Variants in TAS2R46 observed in about 807,000 individuals in gnomAD.
The protein encoded by TAS2R46 is taste receptor type 2 member 46.
For missense variants in TAS2R46, 361 were observed against 347.4 expected (o/e 1.04, Z -0.31); for synonymous variants, 123 against 121.8 (o/e 1.01, Z -0.07).
rs759150431 is a variant in TAS2R46 at position 11,062,259 on chromosome 12, T to C, written c.36A>G (p.Leu12=). ...TTCCAATCACAAATGTAACCACTATTAGAATGGAAAAAATGATGGGCAGAA... is the reference window on the plus strand; with the variant it reads ...TTCCAATCACAAATGTAACCACTATCAGAATGGAAAAAATGATGGGCAGAA... ...ITFLPIIFSI[L]IVVTFVIGNF... is the part of the protein sequence containing the mutation. Residue 12 remains leucine (L), a synonymous_variant, in exon 1 of 1, where the codon CTA becomes CTG. Transcript: ENST00000533467. 2 of 1,612,656 alleles carry C rather than the reference T, an allele frequency of 1.2e-6. No homozygotes were observed. The highest frequency in any genetic ancestry group is 2.2e-5 in the South Asian group (2 of 90,910).
Position 11,061,637 on chromosome 12 carries a change from T to G in TAS2R46, c.658A>C (p.Ser220Arg), listed in dbSNP as rs1943608329. Residue 220 changes from serine to arginine, a missense_variant, in exon 1 of 1, where the codon AGC (serine) becomes CGC (arginine). Ser to Arg is a moderately radical substitution (Grantham distance 110, BLOSUM62 -1). Coordinates refer to ENST00000533467, the MANE Select transcript of TAS2R46 (RefSeq NM_176887.2). Reference protein sequence around the residue: ...QLHGKGSQDPSMKVHIKALQT... With the variant: ...QLHGKGSQDPRMKVHIKALQT... ...AAAGCTTTTATGTGGACCTTCATGC[T>G]GGGATCTTGAGATCCTTTGCCATGG... 6.2e-7 allele frequency: 1 copy of G among 1,614,024 alleles called. No individual in the cohort carries two copies. The highest frequency in any genetic ancestry group is 1.3e-5 in the African/African-American group (1 of 74,924).
In TAS2R46 at chr12:11,062,131, C is replaced by G. The variant is rs776679661; in HGVS notation, c.164G>C (p.Arg55Thr). The change falls in exon 1 of 1, where the codon AGA (arginine) becomes ACA (threonine). Residue 55 changes from arginine to threonine, a missense_variant. Arg to Thr is a moderately conservative substitution (Grantham distance 71). Coordinates refer to ENST00000533467, the MANE Select transcript of TAS2R46 (RefSeq NM_176887.2). ...DQILTALAVS[R>T]VGLLWVLVLN... Reference sequence around the variant, plus strand: ...TACTAATACCCAGAGTAAACCAACTCTGGAGACTGCCAGAGCAGTGAGAAT... The same window carrying G: ...TACTAATACCCAGAGTAAACCAACTGTGGAGACTGCCAGAGCAGTGAGAAT... 3 of 1,613,662 alleles carry G rather than the reference C, an allele frequency of 1.9e-6. 1 individual carries two copies. Among genetic ancestry groups the G allele is most frequent in the South Asian group, 2.2e-5 (2 of 91,068 alleles).
Position 11,061,942 on chromosome 12 carries a change from A to T in TAS2R46, c.353T>A (p.Phe118Tyr). The T allele has an allele frequency of 1.2e-6, 2 of 1,614,038 alleles. No homozygotes were observed. Among genetic ancestry groups the T allele is most frequent in the Non-Finnish European group, 1.7e-6 (2 of 1,179,936 alleles). Reference sequence around the variant, plus strand: ...CTTAACTCTCCTCTTTAAGTGAAGAAAAATAAGGTTGGAGAAATTGGCAAT... The same window carrying T: ...CTTAACTCTCCTCTTTAAGTGAAGATAAATAAGGTTGGAGAAATTGGCAAT... ...LKIANFSNLI[F>Y]LHLKRRVKSV... Residue 118 changes from phenylalanine (F) to tyrosine (Y), a missense_variant, in exon 1 of 1, where the codon TTT becomes TAT. Phe to Tyr is a conservative substitution (Grantham distance 22). Transcript: ENST00000533467.
At position 11,061,595 on chromosome 12, in the gene TAS2R46, A is replaced by C. The variant is rs748489547; in HGVS notation, c.700T>G (p.Phe234Val). The change falls in exon 1 of 1, where the codon TTC (phenylalanine) becomes GTC (valine). Residue 234 changes from phenylalanine to valine, a missense_variant. By Grantham distance (50) the Phe-to-Val change is conservative (BLOSUM62 -1). Coordinates refer to ENST00000533467, the MANE Select transcript of TAS2R46 (RefSeq NM_176887.2). The part of the protein sequence containing the change: ...HIKALQTVTS[F>V]LLLCAIYFLS... Reference sequence around the variant, plus strand: ...AAGTAAATGGCACATAACAAGAGGAAGGAGGTCACAGTTTGCAAAGCTTTT... The same window carrying C: ...AAGTAAATGGCACATAACAAGAGGACGGAGGTCACAGTTTGCAAAGCTTTT... The C allele has an allele frequency of 1.2e-5, 19 of 1,614,100 alleles. No homozygotes were observed. Among genetic ancestry groups the C allele is most frequent in the Non-Finnish European group, 1.5e-5 (18 of 1,179,976 alleles).
In TAS2R46 at chr12:11,061,961, T is replaced by G. The variant is rs1943625625; in HGVS notation, c.334A>C (p.Asn112His). 1.2e-6 allele frequency: 2 copies of G among 1,613,976 alleles called. No individual in the cohort carries two copies. The highest frequency in any genetic ancestry group is 1.6e-4 in the Middle Eastern group (1 of 6,062). Reference sequence around the variant, plus strand: ...TGAAGAAAAATAAGGTTGGAGAAATTGGCAATCTTGAGCAAATAAAATATG... The same window carrying G: ...TGAAGAAAAATAAGGTTGGAGAAATGGGCAATCTTGAGCAAATAAAATATG... ...LSIFYLLKIA[N>H]FSNLIFLHLK... Residue 112 changes from asparagine (N) to histidine (H), a missense_variant, in exon 1 of 1, where the codon AAT becomes CAT. Physicochemically the swap from Asn to His is moderately conservative, Grantham distance 68 (BLOSUM62 1). Transcript: ENST00000533467.
Position 11,061,516 on chromosome 12 carries a change from A to G in TAS2R46, c.779T>C (p.Val260Ala), listed in dbSNP as rs773393543. 1.9e-6 allele frequency: 3 copies of G among 1,614,130 alleles called. No individual in the cohort carries two copies. Among genetic ancestry groups the G allele is most frequent in the Middle Eastern group, 1.6e-4 (1 of 6,062 alleles). ...WSFESLENKP[V>A]FMFCEAIAFS... ...TGCAATAGCTTCGCAGAACATGAAGACAGGTTTGTTTTCCAGACTCTCAAA... is the reference window on the plus strand; with the variant it reads ...TGCAATAGCTTCGCAGAACATGAAGGCAGGTTTGTTTTCCAGACTCTCAAA... Residue 260 changes from valine (V) to alanine (A), a missense_variant, in exon 1 of 1, where the codon GTC becomes GCC. By Grantham distance (64) the Val-to-Ala change is moderately conservative. Transcript: ENST00000533467.
chr12:11,061,994 T>C lies in TAS2R46; in HGVS notation c.301A>G (p.Ser101Gly), dbSNP rs779983971. 9.3e-6 allele frequency: 15 copies of C among 1,613,786 alleles called. No individual in the cohort carries two copies. The East Asian group carries it at 3.1e-4, about 34-fold the overall frequency. Residue 101 changes from serine to glycine, a missense_variant, in exon 1 of 1, where the codon AGC becomes GGC. Transcript: ENST00000533467. Reference sequence around the variant, plus strand: ...TTGAGCAAATAAAATATGCTGAGGCTAGTAGCAAGCCAGTTGCTGAAATGG... The same window carrying C: ...TTGAGCAAATAAAATATGCTGAGGCCAGTAGCAAGCCAGTTGCTGAAATGG... ...INHFSNWLATSLSIFYLLKIA... is the reference protein window; with the variant it reads ...INHFSNWLATGLSIFYLLKIA...
At position 11,062,139 on chromosome 12, in the gene TAS2R46, T is replaced by C. The variant is rs544516029; in HGVS notation, c.156A>G (p.Ala52=). The change falls in exon 1 of 1, where the codon GCA becomes GCG. Residue 52 remains alanine (A), a synonymous_variant. Transcript: ENST00000533467. ...CCCAGAGTAAACCAACTCTGGAGAC[T>C]GCCAGAGCAGTGAGAATTTGGTCAG... ...SFADQILTAL[A]VSRVGLLWVL... is the part of the protein sequence containing the mutation. 309 of 1,613,666 alleles carry C rather than the reference T, an allele frequency of 1.9e-4. No homozygotes were observed. In the East Asian group the frequency reaches 4.1e-3, roughly 22 times the overall value.
Position 11,061,548 on chromosome 12 carries a change from A to G in TAS2R46, c.747T>C (p.Val249=). ...AIYFLSIIMS[V]WSFESLENKP... Reference sequence around the variant, plus strand: ...TGTTTTCCAGACTCTCAAAACTCCAAACTGACATGATTATGGACAGAAAGT... The same window carrying G: ...TGTTTTCCAGACTCTCAAAACTCCAGACTGACATGATTATGGACAGAAAGT... The change falls in exon 1 of 1, where the codon GTT becomes GTC. Residue 249 remains valine, a synonymous_variant. Coordinates refer to ENST00000533467, the MANE Select transcript of TAS2R46 (RefSeq NM_176887.2). 2 of 1,614,118 alleles carry G rather than the reference A, an allele frequency of 1.2e-6. No homozygotes were observed. The highest frequency in any genetic ancestry group is 1.7e-6 in the Non-Finnish European group (2 of 1,179,962).
rs749529200 is a variant in TAS2R46 at position 11,061,566 on chromosome 12, C to T, written c.729G>A (p.Leu243=). 3 of 1,613,940 alleles carry T rather than the reference C, an allele frequency of 1.9e-6. No individual in the cohort carries two copies. Among genetic ancestry groups the T allele is most frequent in the Admixed American group, 3.3e-5 (2 of 59,992 alleles). Residue 243 remains leucine, a synonymous_variant, in exon 1 of 1, where the codon CTG becomes CTA. Transcript: ENST00000533467. ...AACTCCAAACTGACATGATTATGGA[C>T]AGAAAGTAAATGGCACATAACAAGA... is the stretch of plus-strand genomic sequence containing the variant. The part of the protein sequence containing the change: ...SFLLLCAIYF[L]SIIMSVWSFE...
chr12:11,061,657 C>T lies in TAS2R46; in HGVS notation c.638G>A (p.Gly213Asp). 1 of 1,614,050 alleles carries T rather than the reference C, an allele frequency of 6.2e-7. No individual in the cohort carries two copies. Among genetic ancestry groups the T allele is most frequent in the Non-Finnish European group, 8.5e-7 (1 of 1,179,962 alleles). ...CKHLKKMQLH[G>D]KGSQDPSMKV... ...CATGCTGGGATCTTGAGATCCTTTG[C>T]CATGGAGCTGCATCTTTTTGAGATG... is the stretch of plus-strand genomic sequence containing the variant. Residue 213 changes from glycine to aspartate, a missense_variant, in exon 1 of 1, where the codon GGC becomes GAC. Gly to Asp is a moderately conservative substitution (Grantham distance 94). Coordinates refer to ENST00000533467, the MANE Select transcript of TAS2R46 (RefSeq NM_176887.2).
chr12:11,061,817 C>T lies in TAS2R46; in HGVS notation c.478G>A (p.Gly160Arg). Residue 160 changes from glycine (G) to arginine (R), a missense_variant, in exon 1 of 1, where the codon GGA (glycine) becomes AGA (arginine). Coordinates refer to ENST00000533467, the MANE Select transcript of TAS2R46 (RefSeq NM_176887.2). ...AGTTTGATCTTCCAAGTCATGTTTC[C>T]TTCATATTCTTTTGTCCATATAATC... ...NQIIWTKEYE[G>R]NMTWKIKLRS... 1 of 1,614,184 alleles carries T rather than the reference C, an allele frequency of 6.2e-7. No homozygotes were observed. The highest frequency in any genetic ancestry group is 8.5e-7 in the Non-Finnish European group (1 of 1,179,998).
Position 11,061,403 on chromosome 12 carries a change from T to A in TAS2R46, c.892A>T (p.Arg298Trp). The A allele has an allele frequency of 6.2e-7, 1 of 1,613,922 alleles. No individual in the cohort carries two copies. The highest frequency in any genetic ancestry group is 1.1e-5 in the South Asian group (1 of 91,066). Residue 298 changes from arginine to tryptophan, a missense_variant, in exon 1 of 1, where the codon AGG (arginine) becomes TGG (tryptophan). Arg to Trp is a moderately radical substitution (Grantham distance 101, BLOSUM62 -3). Coordinates refer to ENST00000533467, the MANE Select transcript of TAS2R46 (RefSeq NM_176887.2). ...QTFLSVLWHV[R>W]YWVKGEKPSS... Reference sequence around the variant, plus strand: ...GGCTTCTCTCCTTTCACCCAGTACCTCACATGCCACAAAACTGAAAGAAAA... The same window carrying A: ...GGCTTCTCTCCTTTCACCCAGTACCACACATGCCACAAAACTGAAAGAAAA...
rs751742264 is a variant in TAS2R46 at position 11,061,867 on chromosome 12, T to G, written c.428A>C (p.His143Pro). The change falls in exon 1 of 1, where the codon CAT (histidine) becomes CCT (proline). Residue 143 changes from histidine (H) to proline (P), a missense_variant. Transcript: ENST00000533467. ...LLGPLLFLVC[H>P]LFVINMNQII... ...CTGATTCATGTTTATCACAAAAAGA[T>G]GACAAACCAAAAATAGCAAAGGCCC... 4.0e-5 allele frequency: 64 copies of G among 1,614,084 alleles called. No homozygotes were observed. The South Asian group carries it at 6.4e-4, about 16-fold the overall frequency.
Position 11,062,085 on chromosome 12 carries a change from C to T in TAS2R46, c.210G>A (p.Glu70=), listed in dbSNP as rs767075494. ...WVLVLNWYAT[E]LNPAFNSIEV... The stretch of plus-strand genomic sequence containing the variant: ...CTATACTGTTAAAAGCTGGATTCAA[C>T]TCAGTTGCATACCAATTTAATACTA... Residue 70 remains glutamate, a synonymous_variant, in exon 1 of 1, where the codon GAG becomes GAA. Coordinates refer to ENST00000533467, the MANE Select transcript of TAS2R46 (RefSeq NM_176887.2). 1.9e-6 allele frequency: 3 copies of T among 1,613,574 alleles called. No homozygotes were observed. In the Admixed American group the frequency reaches 5.0e-5, roughly 27 times the overall value.
Position 11,061,580 on chromosome 12 carries a change from C to G in TAS2R46, c.715G>C (p.Ala239Pro). The change falls in exon 1 of 1, where the codon GCC becomes CCC. Residue 239 changes from alanine to proline, a missense_variant. By Grantham distance (27) the Ala-to-Pro change is conservative. Coordinates refer to ENST00000533467, the MANE Select transcript of TAS2R46 (RefSeq NM_176887.2). Reference protein sequence around the residue: ...QTVTSFLLLCAIYFLSIIMSV... With the variant: ...QTVTSFLLLCPIYFLSIIMSV... ...ATGATTATGGACAGAAAGTAAATGG[C>G]ACATAACAAGAGGAAGGAGGTCACA... The G allele has an allele frequency of 6.2e-7, 1 of 1,614,076 alleles. No homozygotes were observed.
chr12:11,061,440 C>T lies in TAS2R46; in HGVS notation c.855G>A (p.Lys285=), dbSNP rs769907597. The T allele has an allele frequency of 1.2e-6, 2 of 1,614,104 alleles. No individual in the cohort carries two copies. The highest frequency in any genetic ancestry group is 1.7e-6 in the Non-Finnish European group (2 of 1,179,954). ...HPFILIWGNK[K]LKQTFLSVLW... The stretch of plus-strand genomic sequence containing the variant: ...AAACTGAAAGAAAAGTCTGCTTTAG[C>T]TTCTTGTTTCCCCAAATCAGGATGA... Residue 285 remains lysine (K), a synonymous_variant, in exon 1 of 1, where the codon AAG becomes AAA. Transcript: ENST00000533467.
rs1943640718 is a variant in TAS2R46, at chr12:11,062,235, T to A, written c.60A>T (p.Gly20=). 1 of 1,613,248 alleles carries A rather than the reference T, an allele frequency of 6.2e-7. No homozygotes were observed. Among genetic ancestry groups the A allele is most frequent in the African/African-American group, 1.3e-5 (1 of 75,002 alleles). ...SILIVVTFVI[G]NFANGFIALV... ...ATGCTATGAAGCCATTAGCAAAATT[T>A]CCAATCACAAATGTAACCACTATTA... The change falls in exon 1 of 1, where the codon GGA becomes GGT. Residue 20 remains glycine (G), a synonymous_variant. Transcript: ENST00000533467.
rs201672998 is a variant in TAS2R46 at position 11,062,243 on chromosome 12, C to T, written c.52G>A (p.Val18Met). 9.3e-6 allele frequency: 15 copies of T among 1,612,968 alleles called. No homozygotes were observed. Among genetic ancestry groups the T allele is most frequent in the Non-Finnish European group, 1.2e-5 (14 of 1,179,466 alleles). ...IFSILIVVTF[V>M]IGNFANGFIA... is the part of the protein sequence containing the mutation. ...AAGCCATTAGCAAAATTTCCAATCA[C>T]AAATGTAACCACTATTAGAATGGAA... Residue 18 changes from valine (V) to methionine (M), a missense_variant, in exon 1 of 1, where the codon GTG (valine) becomes ATG (methionine). By Grantham distance (21) the Val-to-Met change is conservative. Coordinates refer to ENST00000533467, the MANE Select transcript of TAS2R46 (RefSeq NM_176887.2).
Sources: gnomAD v4.1 joint callset for allele counts on GRCh38, gnomAD v4.1.1 for gene constraint, MANE v1.5 for transcripts, NCBI Gene and HGNC (gene_info 2026-07-23, HGNC 2026-07-21) for gene names.